POLA1: variants seen among roughly 807,000 people sequenced by gnomAD.
POLA1 encodes DNA polymerase alpha 1, catalytic subunit, also known as DNA polymerase alpha catalytic subunit.
POLA1 carries 15 observed loss-of-function variants against 124.0 expected under a neutral mutation model. The ratio of observed to expected loss-of-function variants is 0.12; its 90% CI spans 0.08 to 0.19. The LOEUF is 0.19. POLA1 is among the 10% of genes least tolerant of loss of function. The pLI is 1.00. For synonymous variants in POLA1, 408 were observed against 389.4 expected, an observed-to-expected ratio of 1.05 and a Z score of -0.56; for missense variants, 886 against 1,103.4, an observed-to-expected ratio of 0.80 and a Z score of 2.79.
At chrX:24,717,780 A>G (rs752993934) in intron 10 of POLA1, 22 bp downstream of exon 10, 2 of 1,035,480 alleles carry the variant, frequency 1.9e-6, no homozygotes, top group African/African-American at 1.9e-5. Flanking sequence ...TAAGGTAACT[A>G]TATGCCTTTA....
intron 32 of POLA1, among the ~76,000 whole-genome samples, chrX:24,831,282 G>A (rs2046257185): frequency 9.0e-6 from 1 of 111,501 alleles, no homozygotes; most frequent in South Asian, 3.8e-4. Flanking sequence ...CAGATGGGTA[G>A]GGGTAGAATG....
At chrX:24,756,073 C>T (rs777097657) in intron 26 of POLA1, among the ~76,000 whole-genome samples, 1 of 111,692 alleles carries the variant, frequency 9.0e-6, no homozygotes, top group Non-Finnish European at 1.9e-5. Context: ...GCCAGAGATA[C>T]TGAGTGAACT....
intron 36 of POLA1, among the ~76,000 whole-genome samples, chrX:24,933,529 A>T (rs2047810472): frequency 8.9e-6 from 1 of 111,872 alleles, no homozygotes; most frequent in African/African-American, 3.3e-5. Flanking sequence ...AATGGAGTCT[A>T]AGTGTCTTCT....
intron 35 of POLA1, among the ~76,000 whole-genome samples, chrX:24,923,505 G>A (rs1004168252): frequency 9.0e-6 from 1 of 111,620 alleles, no homozygotes; most frequent in Admixed American, 9.5e-5. Context: ...ACAAAAAAAG[G>A]ATTCTGAAAT....
At chrX:24,928,145 G>T (rs2047721554) in intron 35 of POLA1, among the ~76,000 whole-genome samples, 1 of 111,386 alleles carries the variant, frequency 9.0e-6, no homozygotes, top group Non-Finnish European at 1.9e-5. Context: ...AGGAGGTGTT[G>T]GTATATTTTT....
intron 36 of POLA1, among the ~76,000 whole-genome samples, chrX:24,992,286 G>T (rs968267077): frequency 9.0e-6 from 1 of 111,707 alleles, no homozygotes; most frequent in East Asian, 2.8e-4. Context: ...CAAAGCTCAC[G>T]TTGCATTGAG....
intron 36 of POLA1, among the ~76,000 whole-genome samples, chrX:24,985,822 G>A (rs2048473889): frequency 8.9e-6 from 1 of 111,930 alleles, no homozygotes; most frequent in Admixed American, 9.4e-5. Flanking sequence ...GTATTTATCA[G>A]TGGCTTCACT....
At chrX:24,720,635 T>A (rs1930144965) in intron 10 of POLA1, among the ~76,000 whole-genome samples, 1 of 111,999 alleles carries the variant, frequency 8.9e-6, no homozygotes, top group African/African-American at 3.2e-5. Flanking sequence ...CCATAAGGCT[T>A]CATATTGCCA....
chrX:24,706,914 A>G (rs1928849767), intron 4 of POLA1, among the ~76,000 whole-genome samples: 1 of 112,844 alleles, frequency 8.9e-6, no homozygotes, highest in Non-Finnish European at 1.9e-5. Flanking sequence ...AATGAAAATC[A>G]GTAACTTTTT....
At chrX:24,741,286 A>G in intron 20 of POLA1, 89 bp from the exon 21 acceptor site, 1 of 696,884 alleles carries the variant, frequency 1.4e-6, no homozygotes. Flanking sequence ...TTACACCCAG[A>G]ATTCCTTATA....
chrX:24,851,866 G>C (rs1476891401), intron 34 of POLA1, among the ~76,000 whole-genome samples: 1 of 112,772 alleles, frequency 8.9e-6, no homozygotes, highest in Non-Finnish European at 1.9e-5. Context: ...AACCAGAACA[G>C]ATTTCATTTA....
chrX:24,869,003 A>G (rs1569344311), intron 34 of POLA1, among the ~76,000 whole-genome samples: 1 of 112,077 alleles, frequency 8.9e-6, no homozygotes, highest in Non-Finnish European at 1.9e-5. Flanking sequence ...TGGTGTGAAC[A>G]CAGCTCACTG....
chrX:24,737,748 A>G lies in POLA1; in HGVS notation c.2040+7A>G, dbSNP rs1270816708. On this transcript the variant is annotated splice_region_variant and intron_variant, in intron 19 of 36. Transcript: ENST00000379068. ...CAACATGCCAAAGCTTGGGGTAATA[A>G]TAATTTTCAAAATCTTATTTATCTA... 3 of 923,114 alleles carry G rather than the reference A, an allele frequency of 3.2e-6. No homozygotes were observed. Among genetic ancestry groups the G allele is most frequent in the Non-Finnish European group, 4.6e-6 (3 of 647,651 alleles). The allele number at this position is 923,114 out of a possible 1,213,427, so 76.1% of individuals were successfully genotyped here.
intron 32 of POLA1, among the ~76,000 whole-genome samples, chrX:24,841,171 A>G (rs758159512): frequency 5.3e-5 from 6 of 112,238 alleles, no homozygotes; most frequent in Admixed American, 1.9e-4. Flanking sequence ...TTAGATTGCA[A>G]CCTACATGCT....
intron 1 of POLA1, among the ~76,000 whole-genome samples, chrX:24,697,291 C>G (rs746130589): frequency 9.0e-5 from 10 of 111,069 alleles, no homozygotes; most frequent in African/African-American, 2.9e-4. Context: ...GGAGTAAGTG[C>G]ATTTGAAGAC....
chrX:24,876,537 GC>G (rs1267934170), intron 34 of POLA1, among the ~76,000 whole-genome samples: 2 of 111,340 alleles, frequency 1.8e-5, no homozygotes, highest in Admixed American at 9.5e-5. Context: ...CTCCCTGTCT[GC>G]CCTGGCACTC....
intron 36 of POLA1, among the ~76,000 whole-genome samples, chrX:24,993,156 G>A (rs1344466422): frequency 8.9e-6 from 1 of 112,526 alleles, no homozygotes. Context: ...AAGGAGATTA[G>A]CTTTGCTGAT....
chrX:24,983,951 G>A (rs778040798), intron 36 of POLA1, among the ~76,000 whole-genome samples: 4 of 111,729 alleles, frequency 3.6e-5, no homozygotes, highest in East Asian at 2.8e-4. Flanking sequence ...CCCTGCTTCC[G>A]TCTGCAAAAT....
chrX:24,732,125 C>T (rs1340981207), intron 15 of POLA1, among the ~76,000 whole-genome samples: 1 of 110,529 alleles, frequency 9.0e-6, no homozygotes, highest in Non-Finnish European at 1.9e-5. Flanking sequence ...CAGCTAAGTA[C>T]TGTATTTTTA....
Sources: allele counts gnomAD v4.1 joint callset (sites outside exome capture counted in the v4.1 genomes callset), GRCh38; gene constraint gnomAD v4.1.1; transcripts MANE v1.5; gene names NCBI Gene and HGNC (gene_info 2026-07-23, HGNC 2026-07-21).